Variants in NAMPT observed in about 807,000 individuals in gnomAD.
The protein encoded by NAMPT is nicotinamide phosphoribosyltransferase.
In NAMPT, 7 loss-of-function variants were observed where a neutral mutation model predicts 58.7. The ratio of observed to expected loss-of-function variants is 0.12; its 90% CI spans 0.07 to 0.22. The LOEUF is 0.22. Ranked by LOEUF, NAMPT falls within the 10% of genes least tolerant of loss-of-function variation. The probability of loss-of-function intolerance (pLI) is 1.00; values close to 1 mark genes in which losing one functional copy is unlikely to be tolerated. For missense variants in NAMPT, 271 were observed against 567.9 expected (o/e 0.48, Z 5.31); for synonymous variants, 145 against 198.1 (o/e 0.73, Z 2.25).
intron 6 of NAMPT, among the ~76,000 whole-genome samples, chr7:106,268,005 A>G (rs963616759): frequency 1.3e-5 from 2 of 152,002 alleles, no homozygotes; most frequent in Non-Finnish European, 2.9e-5. Flanking sequence ...AAGAATCTGA[A>G]CACCCTTTCT....
At chr7:106,285,115 T>C, upstream of NAMPT, 1 of 1,329,456 alleles carries the variant, frequency 7.5e-7, no homozygotes, top group Non-Finnish European at 9.7e-7. Flanking sequence ...CTGGGAGCTC[T>C]GGCGGACTCC....
At chr7:106,262,741 G>GT (rs369076087) in intron 7 of NAMPT, among the ~76,000 whole-genome samples, 2 of 151,694 alleles carry the variant, frequency 1.3e-5, no homozygotes, top group Non-Finnish European at 2.9e-5. Flanking sequence ...TTAAGCCTCT[G>GT]TTTTTTTCTT....
At chr7:106,274,637 T>C (rs1006285735) in intron 3 of NAMPT, among the ~76,000 whole-genome samples, 9 of 152,182 alleles carry the variant, frequency 5.9e-5, no homozygotes, top group African/African-American at 2.2e-4. Flanking sequence ...GGCAGATCAC[T>C]TGAAGTCAGG....
At chr7:106,285,000 A>G, upstream of NAMPT, 1 of 1,373,002 alleles carries the variant, frequency 7.3e-7, no homozygotes, top group Non-Finnish European at 9.6e-7. Flanking sequence ...TCGGCGGAGG[A>G]GGGGGAGAGG....
chr7:106,273,121 C>T (rs1315005789), intron 3 of NAMPT, among the ~76,000 whole-genome samples: 3 of 152,082 alleles, frequency 2.0e-5, no homozygotes, highest in African/African-American at 4.8e-5. Context: ...GAAAACAAAA[C>T]GAGAGAGAAG....
chr7:106,275,082 T>C (rs1163709643), intron 2 of NAMPT, 33 bp from the exon 3 acceptor site: 1 of 1,351,942 alleles, frequency 7.4e-7, no homozygotes, highest in Non-Finnish European at 1.1e-6. Flanking sequence ...TTTACATTTC[T>C]AAAGGTGCAT....
At chr7:106,284,685 G>A (rs1260468754) in intron 1 of NAMPT, 143 bp downstream of exon 1, 2 of 993,618 alleles carry the variant, frequency 2.0e-6, no homozygotes, top group Non-Finnish European at 2.5e-6. Context: ...GCCGCCGCCC[G>A]CGCCTCCCCC....
At chr7:106,280,018 C>T (rs1334239656) in intron 1 of NAMPT, among the ~76,000 whole-genome samples, 3 of 152,108 alleles carry the variant, frequency 2.0e-5, no homozygotes, top group South Asian at 2.1e-4. Flanking sequence ...TCATGTAAGG[C>T]TTACAGACTA....
At chr7:106,269,382 CTTTTTT>C in intron 4 of NAMPT, 70 bp from the exon 5 acceptor site, 1 of 1,152,806 alleles carries the variant, frequency 8.7e-7, no homozygotes, top group Non-Finnish European at 1.2e-6. Context: ...AAAATCCTAG[CTTTTTT>C]TTTTTTTTGG....
intron 5 of NAMPT, 76 bp downstream of exon 5, chr7:106,269,078 C>T (rs549649421): frequency 5.9e-5 from 80 of 1,363,548 alleles, no homozygotes; most frequent in Non-Finnish European, 7.4e-5. Context: ...ATCTCAATAA[C>T]GTCCCCAAAA....
chr7:106,251,447 A>G (rs1792102414), intron 10 of NAMPT, among the ~76,000 whole-genome samples: 1 of 152,114 alleles, frequency 6.6e-6, no homozygotes, highest in South Asian at 2.1e-4. Context: ...TTCTTAAACC[A>G]GTTTTCTTAA....
chr7:106,282,149 C>T (rs1054090279), intron 1 of NAMPT, among the ~76,000 whole-genome samples: 3 of 151,856 alleles, frequency 2.0e-5, no homozygotes, highest in Non-Finnish European at 4.4e-5. Context: ...CCGAAGCATC[C>T]GCTCAGAAGC....
At chr7:106,275,669 A>AGTTGTATG (rs1164990120) in intron 2 of NAMPT, 1 of 152,244 alleles carries the variant, frequency 6.6e-6, no homozygotes, top group African/African-American at 2.4e-5. Context: ...AAAGTTCTTA[A>AGTTGTATG]GTTGTATGAC....
intron 2 of NAMPT, chr7:106,276,534 C>CTAAA (rs1792648309): frequency 1.3e-5 from 2 of 153,384 alleles, no homozygotes; most frequent in African/African-American, 4.8e-5. Context: ...AATGACTTTT[C>CTAAA]TAAACTTATT....
intron 8 of NAMPT, among the ~76,000 whole-genome samples, chr7:106,259,869 C>T (rs1469317293): frequency 6.9e-6 from 1 of 144,756 alleles, no homozygotes; most frequent in Non-Finnish European, 1.5e-5. Context: ...AATGATATTT[C>T]GAAACAATCT....
At chr7:106,270,766 TA>T (rs1391414526) in intron 4 of NAMPT, among the ~76,000 whole-genome samples, 1 of 152,178 alleles carries the variant, frequency 6.6e-6, no homozygotes, top group African/African-American at 2.4e-5. Context: ...ATGAGGCCAT[TA>T]AAGGATGTCC....
At chr7:106,268,300 TA>T in intron 6 of NAMPT, 163 bp downstream of exon 6, 1 of 611,564 alleles carries the variant, frequency 1.6e-6, no homozygotes, top group Non-Finnish European at 2.8e-6. Context: ...TCTGCCTCTC[TA>T]AGACTAATGT....
chr7:106,271,461 T>A (rs969537334), intron 4 of NAMPT, among the ~76,000 whole-genome samples: 3 of 152,188 alleles, frequency 2.0e-5, no homozygotes, highest in African/African-American at 7.2e-5. Context: ...AAGTAAAACA[T>A]CTTACTCTAA....
intron 1 of NAMPT, among the ~76,000 whole-genome samples, chr7:106,280,431 C>T (rs1792740338): frequency 6.6e-6 from 1 of 152,154 alleles, no homozygotes; most frequent in African/African-American, 2.4e-5. Context: ...CTAAAGTTAA[C>T]ACAGAAAGCT....
Sources: allele counts gnomAD v4.1 joint callset (sites outside exome capture counted in the v4.1 genomes callset), GRCh38; gene constraint gnomAD v4.1.1; transcripts MANE v1.5; gene names NCBI Gene and HGNC (gene_info 2026-07-23, HGNC 2026-07-21).